Variants in GABRB2 observed in about 807,000 individuals in gnomAD.
GABRB2 encodes gamma-aminobutyric acid receptor subunit beta-2.
GABRB2 carries 16 observed loss-of-function variants against 54.7 expected under a neutral mutation model. The ratio of observed to expected loss-of-function variants is 0.29; its 90% CI spans 0.20 to 0.44. The LOEUF (loss-of-function observed/expected upper bound fraction) is 0.44, where lower values mean the gene tolerates loss of function less well. Ranked by LOEUF, GABRB2 falls within the 20% of genes least tolerant of loss-of-function variation. The probability of loss-of-function intolerance (pLI) is 1.00; values close to 1 mark genes in which losing one functional copy is unlikely to be tolerated. For missense variants in GABRB2, 355 were observed against 644.0 expected (o/e 0.55, Z 4.86); for synonymous variants, 244 against 233.8 (o/e 1.04, Z -0.40).
At chr5:161,337,259 A>G (rs1200267179) in intron 5 of GABRB2, among the ~76,000 whole-genome samples, 1 of 152,186 alleles carries the variant, frequency 6.6e-6, no homozygotes, top group Non-Finnish European at 1.5e-5. Flanking sequence ...ATTCTCCCCC[A>G]ATATAAAATA....
intron 3 of GABRB2, among the ~76,000 whole-genome samples, chr5:161,478,305 C>A (rs920856584): frequency 6.6e-6 from 1 of 152,000 alleles, no homozygotes; most frequent in Non-Finnish European, 1.5e-5. Flanking sequence ...TATTTTTAAA[C>A]CTCACCTTGA....
intron 5 of GABRB2, among the ~76,000 whole-genome samples, chr5:161,340,351 C>A (rs955884401): frequency 6.6e-6 from 1 of 151,978 alleles, no homozygotes; most frequent in African/African-American, 2.4e-5. Flanking sequence ...GCACATGTGA[C>A]TTTGGGCTGG....
In GABRB2 at chr5:161,505,411, G is replaced by A. The variant is rs960236602; in HGVS notation, c.237+39816C>T. Reference sequence around the variant, plus strand: ...CTCCCAAAGGGCTGGGATTACAGGCGTGAGCCACCGCACCCAGCCAAGTCT... The same window carrying A: ...CTCCCAAAGGGCTGGGATTACAGGCATGAGCCACCGCACCCAGCCAAGTCT... On this transcript the variant is annotated intron_variant, in intron 3 of 9. Coordinates refer to ENST00000393959, the MANE Select transcript of GABRB2 (RefSeq NM_001371727.1). 1.2e-4 allele frequency among the ~76,000 whole-genome samples: 19 copies of A among 152,146 alleles called. No individual in the cohort carries two copies. The South Asian group carries it at 3.3e-3, about 27-fold the overall frequency.
At chr5:161,533,076 T>C (rs1174056004) in intron 3 of GABRB2, among the ~76,000 whole-genome samples, 1 of 151,110 alleles carries the variant, frequency 6.6e-6, no homozygotes, top group Non-Finnish European at 1.5e-5. Context: ...AGACAATTAC[T>C]TCTAGGTTAA....
chr5:161,490,990 C>T (rs977753495), intron 3 of GABRB2, among the ~76,000 whole-genome samples: 2 of 151,596 alleles, frequency 1.3e-5, no homozygotes, highest in East Asian at 1.9e-4. Flanking sequence ...ACAATGCCAT[C>T]GGTCCCTTCC....
At chr5:161,538,501 A>T (rs1396812365) in intron 3 of GABRB2, among the ~76,000 whole-genome samples, 1 of 152,196 alleles carries the variant, frequency 6.6e-6, no homozygotes, top group African/African-American at 2.4e-5. Context: ...GCATAAATAC[A>T]GTAAGAATCT....
chr5:161,406,769 G>A (rs547022317), intron 5 of GABRB2, among the ~76,000 whole-genome samples: 1 of 152,070 alleles, frequency 6.6e-6, no homozygotes, highest in African/African-American at 2.4e-5. Flanking sequence ...CTGTCACAAA[G>A]GGCAGTGTGT....
chr5:161,314,482 T>G (rs1264401850), intron 9 of GABRB2, among the ~76,000 whole-genome samples: 1 of 152,194 alleles, frequency 6.6e-6, no homozygotes, highest in African/African-American at 2.4e-5. Context: ...AAGCATCAAG[T>G]AATCCTGCAA....
intron 4 of GABRB2, among the ~76,000 whole-genome samples, chr5:161,457,325 G>A (rs1581002079): frequency 6.6e-6 from 1 of 152,076 alleles, no homozygotes; most frequent in East Asian, 1.9e-4. Flanking sequence ...TACAGCAATA[G>A]TGTCCCAGTG....
At chr5:161,389,571 AGTGT>A (rs10666283) in intron 5 of GABRB2, among the ~76,000 whole-genome samples, 93 of 145,902 alleles carry the variant, frequency 6.4e-4, no homozygotes, top group South Asian at 6.6e-4. Context: ...ATGTTTGTGG[AGTGT>A]GTGTGTGTGT....
intron 4 of GABRB2, among the ~76,000 whole-genome samples, chr5:161,434,865 G>A (rs980751071): frequency 6.6e-6 from 1 of 152,118 alleles, no homozygotes; most frequent in African/African-American, 2.4e-5. Context: ...TTTGCAGGAG[G>A]GAACTAGAAA....
At chr5:161,335,787 C>T (rs781463460) in intron 6 of GABRB2, among the ~76,000 whole-genome samples, 7 of 151,982 alleles carry the variant, frequency 4.6e-5, no homozygotes, top group Non-Finnish European at 8.8e-5. Flanking sequence ...TTCTGTTTGT[C>T]GTTGTTGTTT....
chr5:161,408,382 T>G (rs1023595925), intron 5 of GABRB2, among the ~76,000 whole-genome samples: 2 of 152,044 alleles, frequency 1.3e-5, no homozygotes, highest in African/African-American at 4.8e-5. Context: ...CTCTCTCACC[T>G]CAATAAAGGA....
chr5:161,469,952 A>G (rs1403798998), intron 3 of GABRB2, among the ~76,000 whole-genome samples: 1 of 151,964 alleles, frequency 6.6e-6, no homozygotes, highest in Non-Finnish European at 1.5e-5. Context: ...CCTGTTTAAG[A>G]GTTTCAGACA....
chr5:161,334,573 G>A (rs907192546), intron 7 of GABRB2, among the ~76,000 whole-genome samples, 179 bp downstream of exon 7: 9 of 152,140 alleles, frequency 5.9e-5, no homozygotes, highest in South Asian at 4.1e-4. Context: ...GCTTTACTTC[G>A]TGTTTAATTG....
At chr5:161,436,179 T>A (rs1757303865) in intron 4 of GABRB2, among the ~76,000 whole-genome samples, 1 of 152,190 alleles carries the variant, frequency 6.6e-6, no homozygotes, top group Non-Finnish European at 1.5e-5. Flanking sequence ...TTGAAAAGCT[T>A]GTAAAATATT....
At chr5:161,361,903 T>C (rs939967514) in intron 5 of GABRB2, among the ~76,000 whole-genome samples, 2 of 152,122 alleles carry the variant, frequency 1.3e-5, no homozygotes, top group Non-Finnish European at 2.9e-5. Context: ...GTTTTTATGG[T>C]TTTAGGTCTT....
intron 5 of GABRB2, among the ~76,000 whole-genome samples, chr5:161,339,791 C>T (rs1027205500): frequency 6.6e-6 from 1 of 151,936 alleles, no homozygotes; most frequent in Non-Finnish European, 1.5e-5. Flanking sequence ...AACTAAGATT[C>T]AGAGAGATTA....
At chr5:161,489,183 T>G (rs1412021768) in intron 3 of GABRB2, among the ~76,000 whole-genome samples, 2 of 151,732 alleles carry the variant, frequency 1.3e-5, no homozygotes, top group African/African-American at 4.8e-5. Context: ...GTTTCTTCCC[T>G]ACAGAGAAGA....
Sources: allele counts gnomAD v4.1 joint callset (sites outside exome capture counted in the v4.1 genomes callset), GRCh38; gene constraint gnomAD v4.1.1; transcripts MANE v1.5; gene names NCBI Gene and HGNC (gene_info 2026-07-23, HGNC 2026-07-21).